CFAP20DC: variants seen among roughly 807,000 people sequenced by gnomAD.
CFAP20DC encodes CFAP20 domain containing.
A neutral mutation model predicts 101.7 loss-of-function variants in CFAP20DC; 84 were observed. The ratio of observed to expected loss-of-function variants is 0.83; its 90% CI spans 0.69 to 0.99. CFAP20DC has a LOEUF of 0.99. Among genes scored for constraint, CFAP20DC ranks in the 50% least tolerant of loss-of-function variants. The pLI is 0.00. For missense variants in CFAP20DC, 1,007 were observed against 970.3 expected, an observed-to-expected ratio of 1.04 and a Z score of -0.50; for synonymous variants, 359 against 351.2, an observed-to-expected ratio of 1.02 and a Z score of -0.25.
intron 14 of CFAP20DC, among the ~76,000 whole-genome samples, chr3:58,825,338 T>C (rs1214868789): frequency 6.6e-6 from 1 of 152,202 alleles, no homozygotes; most frequent in Non-Finnish European, 1.5e-5. Context: ...ACCAGGCACA[T>C]GCATTTCATG....
intron 14 of CFAP20DC, among the ~76,000 whole-genome samples, chr3:58,817,303 G>A (rs1218753039): frequency 6.6e-6 from 1 of 152,216 alleles, no homozygotes; most frequent in East Asian, 1.9e-4. Flanking sequence ...TGACTTTGAT[G>A]AGCTGAGAGA....
intron 7 of CFAP20DC, among the ~76,000 whole-genome samples, chr3:58,878,977 C>T (rs549866342): frequency 2.1e-4 from 31 of 151,010 alleles, no homozygotes; most frequent in Non-Finnish European, 4.4e-4. Context: ...CACTGCACTC[C>T]AGCCTGGGCA....
At chr3:58,969,158 C>T (rs2091788298) in intron 4 of CFAP20DC, among the ~76,000 whole-genome samples, 1 of 152,086 alleles carries the variant, frequency 6.6e-6, no homozygotes, top group South Asian at 2.1e-4. Context: ...CAGCTTTGTT[C>T]TTCTTGCTTA....
chr3:58,916,562 T>C (rs1488130811), intron 5 of CFAP20DC, among the ~76,000 whole-genome samples: 1 of 152,144 alleles, frequency 6.6e-6, no homozygotes, highest in Non-Finnish European at 1.5e-5. Flanking sequence ...ACTGTGGGCA[T>C]TGAGTATATG....
chr3:58,800,095 A>C (rs1025781624), intron 15 of CFAP20DC, among the ~76,000 whole-genome samples: 1 of 152,188 alleles, frequency 6.6e-6, no homozygotes, highest in Admixed American at 6.5e-5. Flanking sequence ...CCAGGGCCCC[A>C]AAAGCCAGGG....
chr3:59,049,237 T>C (rs1576839073), intron 1 of CFAP20DC, among the ~76,000 whole-genome samples: 1 of 152,252 alleles, frequency 6.6e-6, no homozygotes, highest in Non-Finnish European at 1.5e-5. Context: ...GCTTCTGAGA[T>C]ACCAGTGTTG....
At position 58,982,888 on chromosome 3, in the gene CFAP20DC, T is replaced by C. The variant is rs574316332; in HGVS notation, c.279-45126A>G. On this transcript the variant is annotated intron_variant, in intron 4 of 16. Coordinates refer to ENST00000482387, the MANE Select transcript of CFAP20DC (RefSeq NM_001394063.1). Reference sequence around the variant, plus strand: ...AAACAAAAAAAGTTTCTAGAATCAATTCACACAGGAGGAGATTGGAAGACA... The same window carrying C: ...AAACAAAAAAAGTTTCTAGAATCAACTCACACAGGAGGAGATTGGAAGACA... Among the ~76,000 whole-genome samples the C allele has an allele frequency of 4.6e-5, 7 of 152,180 alleles. No homozygotes were observed. The East Asian group carries it at 1.2e-3, about 25-fold the overall frequency.
intron 15 of CFAP20DC, among the ~76,000 whole-genome samples, chr3:58,787,248 C>T (rs950848555): frequency 6.8e-6 from 1 of 146,462 alleles, no homozygotes; most frequent in African/African-American, 2.5e-5. Flanking sequence ...AACAAAAAAC[C>T]AAACACTGCA....
chr3:59,037,943 G>T (rs1363394663), intron 4 of CFAP20DC, among the ~76,000 whole-genome samples: 1 of 152,196 alleles, frequency 6.6e-6, no homozygotes, highest in Non-Finnish European at 1.5e-5. Flanking sequence ...ATACTATGCA[G>T]CTGTAAAAGA....
rs546203208 is a variant in CFAP20DC at position 58,787,612 on chromosome 3, A to G, written c.2237+18783T>C. On this transcript the variant is annotated intron_variant, in intron 15 of 16. Coordinates refer to ENST00000482387, the MANE Select transcript of CFAP20DC (RefSeq NM_001394063.1). ...TCCTCAAGGATCTAGAACCAGAAAT[A>G]CCATTTGACCCAGCAATCCCATTAC... Among the ~76,000 whole-genome samples, 75 of 152,240 alleles carry G rather than the reference A, an allele frequency of 4.9e-4. 1 individual carries two copies. Among genetic ancestry groups the G allele is most frequent in the African/African-American group, 1.8e-3 (73 of 41,554 alleles).
intron 4 of CFAP20DC, among the ~76,000 whole-genome samples, chr3:58,952,673 A>G (rs182913766): frequency 2.2e-4 from 34 of 152,094 alleles, no homozygotes; most frequent in Non-Finnish European, 4.3e-4. Flanking sequence ...ATTCTGCTCC[A>G]GTGAGTCTTG....
At chr3:58,744,334 T>C (rs969120355) in intron 16 of CFAP20DC, among the ~76,000 whole-genome samples, 1 of 152,204 alleles carries the variant, frequency 6.6e-6, no homozygotes, top group African/African-American at 2.4e-5. Flanking sequence ...TTCAGTGTTC[T>C]TTCTACCAGT....
intron 3 of CFAP20DC, among the ~76,000 whole-genome samples, chr3:58,719,726 A>T (rs933235792): frequency 6.6e-6 from 1 of 152,194 alleles, no homozygotes; most frequent in Admixed American, 6.5e-5. Flanking sequence ...CTCTCTTCCC[A>T]AAGAGCCAGC....
rs1016521305 is a variant in CFAP20DC at position 58,897,483 on chromosome 3, C to T, written c.551-12774G>A. Reference sequence around the variant, plus strand: ...TACTGGGCTGTGTACTTCAGATACACTGTACTTCAGTGTGTTTTTGTAGTG... The same window carrying T: ...TACTGGGCTGTGTACTTCAGATACATTGTACTTCAGTGTGTTTTTGTAGTG... On this transcript the variant is annotated intron_variant, in intron 6 of 16. Transcript: ENST00000482387. This position sits in a 1 kb window ranked among gnomAD's most constrained non-coding sequence, Gnocchi z 4.4. Among the ~76,000 whole-genome samples, 4 of 152,148 alleles carry T rather than the reference C, an allele frequency of 2.6e-5. No individual in the cohort carries two copies. Among genetic ancestry groups the T allele is most frequent in the African/African-American group, 9.7e-5 (4 of 41,442 alleles).
chr3:58,861,183 T>C lies in CFAP20DC; in HGVS notation c.1593+2375A>G, dbSNP rs1024157630. ...ATGATTTGATTTTGCCTAGTTTATA[T>C]GTTACTAAATACATCTCATTTTCCT... is the stretch of plus-strand genomic sequence containing the variant. On this transcript the variant is annotated intron_variant, in intron 12 of 16. Transcript: ENST00000482387. The surrounding 1 kb of genome is among the most constrained non-coding windows in gnomAD (Gnocchi z 4.0). 6 of 213,422 alleles carry C rather than the reference T, an allele frequency of 2.8e-5. No individual in the cohort carries two copies. The highest frequency in any genetic ancestry group is 4.8e-5 in the Non-Finnish European group (6 of 124,022). The allele number at this position is 213,422 out of a possible 1,614,324, so 13.2% of individuals were successfully genotyped here. A position where few individuals can be genotyped will look rare whatever the true frequency, so the allele number is the denominator to read the frequency against.
At chr3:58,816,769 G>T (rs959447465) in intron 14 of CFAP20DC, among the ~76,000 whole-genome samples, 107 of 152,248 alleles carry the variant, frequency 7.0e-4, no homozygotes, top group Middle Eastern at 3.4e-3. Flanking sequence ...CAGGAAGCTC[G>T]AACTGGGTGG....
chr3:58,854,830 T>G (rs1486308436), intron 12 of CFAP20DC, among the ~76,000 whole-genome samples: 3 of 145,316 alleles, frequency 2.1e-5, no homozygotes, highest in African/African-American at 7.8e-5. Context: ...TATACAAAAA[T>G]CAATTCAAGA....
At chr3:58,816,858 C>G (rs943136942) in intron 14 of CFAP20DC, among the ~76,000 whole-genome samples, 1 of 152,202 alleles carries the variant, frequency 6.6e-6, no homozygotes, top group African/African-American at 2.4e-5. Context: ...AACAAAAAGA[C>G]AGCAGTAACC....
chr3:58,829,959 G>A lies in CFAP20DC; in HGVS notation c.2175+1727C>T, dbSNP rs80009400. ...TGCTGCAGAGTATTTTATAAGAAAG[G>A]CAATGTTTCAATTCTACTGCAAATT... On this transcript the variant is annotated intron_variant, in intron 14 of 16. Coordinates refer to ENST00000482387, the MANE Select transcript of CFAP20DC (RefSeq NM_001394063.1). Among the ~76,000 whole-genome samples, 178 of 152,220 alleles carry A rather than the reference G, an allele frequency of 1.2e-3. 2 individuals are homozygous for A. The East Asian group carries it at 0.031, about 27-fold the overall frequency.
Sources: gnomAD v4.1 joint callset for allele counts (sites outside exome capture counted in the v4.1 genomes callset) on GRCh38, gnomAD v4.1.1 for gene constraint, Gnocchi (gnomAD v3.1) non-coding constraint, MANE v1.5 for transcripts, NCBI Gene and HGNC (gene_info 2026-07-23, HGNC 2026-07-21) for gene names.